Variants in CNTNAP1 observed in about 807,000 individuals in gnomAD.
CNTNAP1 encodes contactin associated protein 1.
A neutral mutation model predicts 161.5 loss-of-function variants in CNTNAP1; 80 were observed. The observed-to-expected ratio is 0.50, with a 90% confidence interval of 0.41 to 0.60. CNTNAP1 has a LOEUF of 0.60. CNTNAP1 is among the 20% of genes least tolerant of loss of function. The probability of loss-of-function intolerance (pLI) is 0.00; values close to 1 mark genes in which losing one functional copy is unlikely to be tolerated. For synonymous variants in CNTNAP1, 695 were observed against 733.1 expected (o/e 0.95, Z 0.84); for missense variants, 1,464 against 1,854.8 (o/e 0.79, Z 3.87).
intron 8 of CNTNAP1, 123 bp downstream of exon 8, chr17:42,688,104 A>G (rs1254342734): frequency 7.3e-7 from 1 of 1,369,090 alleles, no homozygotes; most frequent in Middle Eastern, 2.6e-4. Flanking sequence ...GGGGCAGGGC[A>G]GGAGGCCCCA....
rs939219746 is a variant in CNTNAP1, at chr17:42,683,223, G to A, written c.67+327G>A. 5.7e-6 allele frequency: 3 copies of A among 523,314 alleles called. No individual in the cohort carries two copies. The African/African-American group carries it at 6.1e-5, about 11-fold the overall frequency. The allele number at this position is 523,314 out of a possible 1,614,324, so 32.4% of individuals were successfully genotyped here. On this transcript the variant is annotated intron_variant, in intron 1 of 23. Transcript: ENST00000264638. The stretch of plus-strand genomic sequence containing the variant: ...TACTGGTGACCGATACTAGGATTAA[G>A]GTTTTGCCAGGGCTTAAGGCTGGAC...
At position 42,692,696 on chromosome 17, in the gene CNTNAP1, G is replaced by T. The variant is rs753242935; in HGVS notation, c.2728G>T (p.Glu910Ter). The change falls in exon 17 of 24, where the codon GAG becomes TAG. Residue 910 changes from glutamate to a stop codon, truncating the protein, a stop_gained. Coordinates refer to ENST00000264638, the MANE Select transcript of CNTNAP1 (RefSeq NM_003632.3). LOFTEE classifies it high-confidence loss of function. The stretch of plus-strand genomic sequence containing the variant: ...GCCACTGCAGACCTACATCTGGATG[G>T]AGTATGACCAGCCCCTCTATGTGGG... The part of the protein sequence containing the change: ...PMPLQTYIWM[E>*]YDQPLYVGSA... 2 of 1,612,142 alleles carry T rather than the reference G, an allele frequency of 1.2e-6. No homozygotes were observed. Among genetic ancestry groups the T allele is most frequent in the Non-Finnish European group, 1.7e-6 (2 of 1,178,464 alleles).
At position 42,691,172 on chromosome 17, in the gene CNTNAP1, G is replaced by A. The variant is rs2053081599; in HGVS notation, c.2095G>A (p.Glu699Lys). The stretch of plus-strand genomic sequence containing the variant: ...CTACAGCTTTTGGATTGGCCGAAAT[G>A]AGGAGCAGCACTTCTACTGGGGAGG... ...YPYSFWIGRN[E>K]EQHFYWGGSQ... The change falls in exon 14 of 24, where the codon GAG becomes AAG. Residue 699 changes from glutamate to lysine, a missense_variant. By Grantham distance (56) the Glu-to-Lys change is moderately conservative (BLOSUM62 1). Transcript: ENST00000264638. The surrounding 1 kb of genome is among the most constrained non-coding windows in gnomAD (Gnocchi z 4.3). The A allele has an allele frequency of 6.2e-7, 1 of 1,614,078 alleles. No homozygotes were observed. Among genetic ancestry groups the A allele is most frequent in the African/African-American group, 1.3e-5 (1 of 74,934 alleles).
At chr17:42,683,121 G>A (rs2052959050) in intron 1 of CNTNAP1, 3 of 610,580 alleles carry the variant, frequency 4.9e-6, no homozygotes, top group Non-Finnish European at 8.5e-6. Flanking sequence ...GATGAAGTCA[G>A]CGGGCAGGGA....
At chr17:42,688,682 G>T in intron 9 of CNTNAP1, 71 bp downstream of exon 9, 2 of 1,601,498 alleles carry the variant, frequency 1.2e-6, no homozygotes, top group South Asian at 2.2e-5. Flanking sequence ...CACCCAGATG[G>T]GGCCACATGG....
intron 18 of CNTNAP1, among the ~76,000 whole-genome samples, chr17:42,694,725 A>G (rs1310464444): frequency 6.6e-6 from 1 of 152,096 alleles, no homozygotes; most frequent in Non-Finnish European, 1.5e-5. Context: ...TGATTGCTGC[A>G]TTCCTAAAAC....
rs756999207 is a variant in CNTNAP1, at chr17:42,697,597, A to G, written c.3612A>G (p.Pro1204=). The G allele has an allele frequency of 6.2e-6, 10 of 1,613,928 alleles. No homozygotes were observed. The Admixed American group carries it at 1.0e-4, about 16-fold the overall frequency. Residue 1204 remains proline, a synonymous_variant, in exon 22 of 24, where the codon CCA becomes CCG. Transcript: ENST00000264638. ...IDPEIQRYNT[P]GFSGCLSGVR... ...CGGAGATCCAGCGCTACAACACCCCAGGTTTCTCAGGCTGCCTGTCTGGTG... is the reference window on the plus strand; with the variant it reads ...CGGAGATCCAGCGCTACAACACCCCGGGTTTCTCAGGCTGCCTGTCTGGTG...
chr17:42,696,697 T>G (rs1466780854), intron 20 of CNTNAP1, among the ~76,000 whole-genome samples: 2 of 152,042 alleles, frequency 1.3e-5, no homozygotes, highest in African/African-American at 4.8e-5. Context: ...TTTCAGCTAC[T>G]CAGGAGGGTG....
At chr17:42,696,405 C>T (rs1326686077) in intron 20 of CNTNAP1, among the ~76,000 whole-genome samples, 1 of 150,694 alleles carries the variant, frequency 6.6e-6, no homozygotes, top group Non-Finnish European at 1.5e-5. Flanking sequence ...CTCACTGCAA[C>T]CTCTGCCTCC....
intron 18 of CNTNAP1, among the ~76,000 whole-genome samples, chr17:42,694,312 C>T (rs2053127825): frequency 6.6e-6 from 1 of 151,792 alleles, no homozygotes; most frequent in Admixed American, 6.6e-5. Context: ...GCTGGGATTA[C>T]AAGTGTGTGC....
intron 6 of CNTNAP1, among the ~76,000 whole-genome samples, chr17:42,686,567 C>G (rs770574951): frequency 7.3e-5 from 10 of 136,118 alleles, no homozygotes; most frequent in Non-Finnish European, 1.4e-4. Context: ...TTTGGAAATT[C>G]AGATTTTGGG....
chr17:42,698,610 C>G lies in CNTNAP1; in HGVS notation c.3863-8C>G, dbSNP rs759317921. 6 of 1,583,064 alleles carry G rather than the reference C, an allele frequency of 3.8e-6. No individual in the cohort carries two copies. The highest frequency in any genetic ancestry group is 5.2e-6 in the Non-Finnish European group (6 of 1,160,472). ...AAAGATCTGAATTGTCCCTTTTCTT[C>G]TTTTCAGTTTTGGTGGCCTTTCTGC... is the stretch of plus-strand genomic sequence containing the variant. On this transcript the variant is annotated splice_region_variant and splice_polypyrimidine_tract_variant and intron_variant, in intron 23 of 23. Transcript: ENST00000264638.
At position 42,691,556 on chromosome 17, in the gene CNTNAP1, C is replaced by A. The variant is rs373855338; in HGVS notation, c.2344+45C>A. ...TGTGTGCCCTCCCAGAGCTGACTCT[C>A]CAGTTTCCAAAATCTAGGCCGCATG... On this transcript the variant is annotated intron_variant, in intron 15 of 23. Coordinates refer to ENST00000264638, the MANE Select transcript of CNTNAP1 (RefSeq NM_003632.3). This position sits in a 1 kb window ranked among gnomAD's most constrained non-coding sequence, Gnocchi z 4.3. 6 of 1,608,366 alleles carry A rather than the reference C, an allele frequency of 3.7e-6. No individual in the cohort carries two copies. Among genetic ancestry groups the A allele is most frequent in the South Asian group, 1.1e-5 (1 of 90,208 alleles).
chr17:42,690,763 G>C lies in CNTNAP1; in HGVS notation c.1880G>C (p.Arg627Pro). The C allele has an allele frequency of 6.2e-7, 1 of 1,614,192 alleles. No homozygotes were observed. The highest frequency in any genetic ancestry group is 1.1e-5 in the South Asian group (1 of 91,084). The part of the protein sequence containing the change: ...IRENRAWTVV[R>P]HDRLWTTRVT... ...GAGAACCGAGCGTGGACAGTTGTGC[G>C]GCATGACAGGCTGTGGACAACTCGA... The change falls in exon 13 of 24, where the codon CGG (arginine) becomes CCG (proline). Residue 627 changes from arginine (R) to proline (P), a missense_variant. Transcript: ENST00000264638.
chr17:42,693,238 C>T (rs1009876160), intron 17 of CNTNAP1, 59 bp from the exon 18 acceptor site: 48 of 1,600,784 alleles, frequency 3.0e-5, no homozygotes, highest in African/African-American at 8.0e-5. Context: ...GGATTACAGG[C>T]GTGAGCCACC....
At chr17:42,692,353 A>C (rs1597808925) in intron 16 of CNTNAP1, 146 bp from the exon 17 acceptor site, 1 of 693,308 alleles carries the variant, frequency 1.4e-6, no homozygotes, top group East Asian at 2.7e-5. Flanking sequence ...GCAGCTGGTA[A>C]GTTTCAATGC....
Position 42,684,249 on chromosome 17 carries a change from G to C in CNTNAP1, c.363+20G>C, listed in dbSNP as rs1597803297. On this transcript the variant is annotated intron_variant, in intron 3 of 23. Coordinates refer to ENST00000264638, the MANE Select transcript of CNTNAP1 (RefSeq NM_003632.3). Reference sequence around the variant, plus strand: ...AACTCGGTACTCTGGGCGCCAAGGCGGTAACACTTGGGGAGCTTCCTCTGC... The same window carrying C: ...AACTCGGTACTCTGGGCGCCAAGGCCGTAACACTTGGGGAGCTTCCTCTGC... 1 of 1,602,808 alleles carries C rather than the reference G, an allele frequency of 6.2e-7. No homozygotes were observed. Among genetic ancestry groups the C allele is most frequent in the Non-Finnish European group, 8.5e-7 (1 of 1,173,142 alleles).
intron 20 of CNTNAP1, among the ~76,000 whole-genome samples, chr17:42,696,741 G>A (rs937406662): frequency 6.6e-6 from 1 of 152,132 alleles, no homozygotes; most frequent in South Asian, 2.1e-4. Flanking sequence ...GGGAGGTGGA[G>A]GTTGCAGTGA....
rs2053030003 is a variant in CNTNAP1, at chr17:42,687,273, TGAA to T, written c.1044+231_1044+233del. The stretch of plus-strand genomic sequence containing the variant: ...TCCAATCACCTTCTTAGTTCATAGA[TGAA>T]GAAAGTAAGGCGCAGACACAGGGAG... On this transcript the variant is annotated intron_variant, in intron 7 of 23. Coordinates refer to ENST00000264638, the MANE Select transcript of CNTNAP1 (RefSeq NM_003632.3). The surrounding 1 kb of genome is among the most constrained non-coding windows in gnomAD (Gnocchi z 4.7). 5.2e-6 allele frequency: 3 copies of T among 571,692 alleles called. No individual in the cohort carries two copies. The highest frequency in any genetic ancestry group is 1.9e-5 in the African/African-American group (1 of 53,620). The allele number at this position is 571,692 out of a possible 1,614,324, so 35.4% of individuals were successfully genotyped here. A position where few individuals can be genotyped will look rare whatever the true frequency, so the allele number is the denominator to read the frequency against.
Sources: allele counts gnomAD v4.1 joint callset (sites outside exome capture counted in the v4.1 genomes callset), GRCh38; gene constraint gnomAD v4.1.1; non-coding constraint Gnocchi (gnomAD v3.1); transcripts MANE v1.5; gene names NCBI Gene and HGNC (gene_info 2026-07-23, HGNC 2026-07-21).